The following SYNE2 variants were observed in gnomAD, a reference collection of about 807,000 sequenced individuals.
SYNE2 encodes the protein spectrin repeat containing nuclear envelope protein 2, also known as nesprin-2.
SYNE2 carries 431 observed loss-of-function variants against 856.3 expected under a neutral mutation model. The ratio of observed to expected loss-of-function variants is 0.50; its 90% CI spans 0.47 to 0.55. The LOEUF is 0.55. Ranked by LOEUF, SYNE2 falls within the 20% of genes least tolerant of loss-of-function variation. SYNE2 has a pLI of 0.00. For missense variants in SYNE2, 8,129 were observed against 8,023.2 expected (o/e 1.01, Z -0.50); for synonymous variants, 2,923 against 2,872.3 (o/e 1.02, Z -0.56).
chr14:64,020,001 C>A lies in SYNE2; in HGVS notation c.5059C>A (p.Gln1687Lys). 2 of 1,608,074 alleles carry A rather than the reference C, an allele frequency of 1.2e-6. No individual in the cohort carries two copies. The highest frequency in any genetic ancestry group is 1.7e-6 in the Non-Finnish European group (2 of 1,174,698). Residue 1687 changes from glutamine (Q) to lysine (K), a missense_variant, in exon 35 of 116, where the codon CAA becomes AAA. Around this residue, in one of 3 missense-constraint regions of SYNE2, gnomAD observed 2,422 missense variants for 2,357.4 expected, o/e 1.03. Transcript: ENST00000555002. ...AAATTACATGTTTTAGGAAGAATTA[C>A]AAGTCCATGAACAAAAAACTTCAGA... ...EDRERLKEEL[Q>K]VHEQKTSEFS...
chr14:64,076,982 T>G (rs1422361575), intron 54 of SYNE2, among the ~76,000 whole-genome samples: 1 of 152,180 alleles, frequency 6.6e-6, no homozygotes, highest in Non-Finnish European at 1.5e-5. Context: ...TCGTTACTAT[T>G]GATTTTATTT....
chr14:64,098,640 G>C, intron 62 of SYNE2, 107 bp from the exon 63 acceptor site: 1 of 1,163,946 alleles, frequency 8.6e-7, no homozygotes, highest in Non-Finnish European at 1.3e-6. Flanking sequence ...TGGGCATCTT[G>C]GATAAAGTAA....
chr14:64,063,691 T>TA (rs1341898357), intron 50 of SYNE2, among the ~76,000 whole-genome samples: 1 of 152,222 alleles, frequency 6.6e-6, no homozygotes, highest in Admixed American at 6.5e-5. Flanking sequence ...AAATCATCTG[T>TA]AGTTAACATT....
intron 80 of SYNE2, among the ~76,000 whole-genome samples, chr14:64,140,312 A>G (rs2098129395): frequency 6.6e-6 from 1 of 152,186 alleles, no homozygotes; most frequent in Non-Finnish European, 1.5e-5. Flanking sequence ...CGCCAGGTGC[A>G]GTGGCTCACG....
chr14:63,773,870 G>A (rs555376414), intron 1 of SYNE2, among the ~76,000 whole-genome samples: 1 of 151,974 alleles, frequency 6.6e-6, no homozygotes, highest in Non-Finnish European at 1.5e-5. Context: ...ATAATCTCTT[G>A]TTTGAGCTAA....
intron 1 of SYNE2, among the ~76,000 whole-genome samples, chr14:63,818,701 C>CTTTTT (rs142248981): frequency 7.5e-6 from 1 of 133,846 alleles, no homozygotes. Flanking sequence ...TTTTTCTTTT[C>CTTTTT]TTTTTTTTTT....
In SYNE2 at chr14:64,101,898, C is replaced by G. The variant is rs771285529; in HGVS notation, c.12382-34C>G. ...ACCGGTTATGACAGTAAGGGAAGCT[C>G]TTCCCTTTGCTAACCAATCGTTTAC... On this transcript the variant is annotated intron_variant, in intron 63 of 115. Coordinates refer to ENST00000555002, the MANE Select transcript of SYNE2 (RefSeq NM_182914.3). 2.6e-6 allele frequency: 4 copies of G among 1,532,986 alleles called. No individual in the cohort carries two copies. In the Admixed American group the frequency reaches 6.7e-5, roughly 26 times the overall value. 95.0% of individuals were successfully genotyped at this position (1,532,986 alleles called of 1,614,324 possible).
chr14:64,210,803 T>G (rs2098636682), intron 103 of SYNE2, among the ~76,000 whole-genome samples: 1 of 152,322 alleles, frequency 6.6e-6, no homozygotes, highest in South Asian at 2.1e-4. Flanking sequence ...TCTAGAAAGA[T>G]GTAAATCTGG....
chr14:64,088,312 G>A (rs2097579593), intron 58 of SYNE2, among the ~76,000 whole-genome samples: 1 of 152,178 alleles, frequency 6.6e-6, no homozygotes, highest in South Asian at 2.1e-4. Context: ...AACCTGTAGT[G>A]TAACTATAAC....
chr14:64,006,256 C>T (rs2096794746), intron 30 of SYNE2, among the ~76,000 whole-genome samples: 1 of 152,128 alleles, frequency 6.6e-6, no homozygotes, highest in African/African-American at 2.4e-5. Context: ...ATAGGGAGAG[C>T]TTTTTGTACA....
chr14:64,091,354 A>T lies in SYNE2; in HGVS notation c.11976+306A>T, dbSNP rs75296305. Among the ~76,000 whole-genome samples, 722 of 152,336 alleles carry T rather than the reference A, an allele frequency of 4.7e-3. 3 individuals are homozygous for T. Among genetic ancestry groups the T allele is most frequent in the African/African-American group, 0.016 (666 of 41,578 alleles). On this transcript the variant is annotated intron_variant, in intron 60 of 115. Coordinates refer to ENST00000555002, the MANE Select transcript of SYNE2 (RefSeq NM_182914.3). ...CATTTGCAGCCTCTGAGGCCAACAG[A>T]TCTGTAAAGTAATCATCACCATAGT...
At position 64,000,572 on chromosome 14, in the gene SYNE2, A is replaced by C; in HGVS notation, c.3491A>C (p.Asn1164Thr). 2 of 1,613,362 alleles carry C rather than the reference A, an allele frequency of 1.2e-6. No homozygotes were observed. The highest frequency in any genetic ancestry group is 1.7e-6 in the Non-Finnish European group (2 of 1,179,520). Residue 1164 changes from asparagine to threonine, a missense_variant, in exon 28 of 116, where the codon AAT becomes ACT. Transcript: ENST00000555002. ...ATGTGTTCCATCTAGGTCATAAAAA[A>C]TGAAACTGATGCTCGCTGGAAAGAG... Reference protein sequence around the residue: ...AKLTDLQVIKNETDARWKEFE... With the variant: ...AKLTDLQVIKTETDARWKEFE...
chr14:63,896,689 G>A (rs1484338102), intron 1 of SYNE2, among the ~76,000 whole-genome samples: 3 of 152,162 alleles, frequency 2.0e-5, no homozygotes, highest in Admixed American at 2.0e-4. Flanking sequence ...GACTACAGCC[G>A]AGTTCTCCTG....
At chr14:63,919,702 C>T (rs903421492) in intron 2 of SYNE2, among the ~76,000 whole-genome samples, 4 of 152,054 alleles carry the variant, frequency 2.6e-5, no homozygotes, top group African/African-American at 7.2e-5. Flanking sequence ...CCTAGATGAA[C>T]GTGTTTCAGG....
Position 64,220,784 on chromosome 14 carries a change from C to T in SYNE2, c.20061+147C>T, listed in dbSNP as rs2098690734. On this transcript the variant is annotated intron_variant, in intron 111 of 115. Transcript: ENST00000555002. ...ACATGTGCTTTACCATTTGTTTCCA[C>T]AGAGGCTCACCGGCCATCTCAGAGA... The T allele has an allele frequency of 1.1e-5, 11 of 1,017,290 alleles. No individual in the cohort carries two copies. In the Admixed American group the frequency reaches 2.3e-4, roughly 21 times the overall value. 63.0% of individuals were successfully genotyped at this position (1,017,290 alleles called of 1,614,324 possible). A position where few individuals can be genotyped will look rare whatever the true frequency, so the allele number is the denominator to read the frequency against.
intron 1 of SYNE2, among the ~76,000 whole-genome samples, chr14:63,823,623 A>ATT (rs34883942): frequency 8.4e-5 from 12 of 143,012 alleles, no homozygotes; most frequent in East Asian, 6.1e-4. Context: ...TGGAAGGAAC[A>ATT]TTTTTTTTTT....
chr14:63,982,042 C>G (rs2096589530), intron 16 of SYNE2, among the ~76,000 whole-genome samples: 2 of 152,114 alleles, frequency 1.3e-5, no homozygotes, highest in Admixed American at 6.6e-5. Context: ...TGCTAAGAAA[C>G]CCTGAGCTAC....
At chr14:63,764,604 G>A (rs935993229) in intron 1 of SYNE2, among the ~76,000 whole-genome samples, 15 of 134,508 alleles carry the variant, frequency 1.1e-4, no homozygotes, top group African/African-American at 4.1e-4. Flanking sequence ...TAGGATACAT[G>A]TGCAGAACGT....
rs760410241 is a variant in SYNE2, at chr14:64,190,165, C to T, written c.17966C>T (p.Ala5989Val). Residue 5989 changes from alanine to valine, a missense_variant, in exon 99 of 116, where the codon GCA becomes GTA. By Grantham distance (64) the Ala-to-Val change is moderately conservative. Coordinates refer to ENST00000555002, the MANE Select transcript of SYNE2 (RefSeq NM_182914.3). ...ATCAAGGCCAGCAACAAATCAAGAG[C>T]AGCTGAGATCGATGACAAGCTCAAC... ...QLIKASNKSR[A>V]AEIDDKLNKI... 11 of 1,614,118 alleles carry T rather than the reference C, an allele frequency of 6.8e-6. No individual in the cohort carries two copies. Among genetic ancestry groups the T allele is most frequent in the African/African-American group, 1.3e-5 (1 of 75,020 alleles).
Sources: allele counts gnomAD v4.1 joint callset (sites outside exome capture counted in the v4.1 genomes callset), GRCh38; gene constraint gnomAD v4.1.1; regional missense constraint gnomAD v4.1.1; transcripts MANE v1.5; gene names NCBI Gene and HGNC (gene_info 2026-07-23, HGNC 2026-07-21).